Variants in PCDHGA4 observed in about 807,000 individuals in gnomAD.
PCDHGA4 encodes the protein protocadherin gamma subfamily A, 4.
Under a neutral mutation model 54.6 loss-of-function variants are expected in PCDHGA4, and 38 were observed. The ratio of observed to expected loss-of-function variants is 0.70; its 90% CI spans 0.54 to 0.91. The LOEUF (loss-of-function observed/expected upper bound fraction) is 0.91, where lower values mean the gene tolerates loss of function less well. Among genes scored for constraint, PCDHGA4 ranks in the 40% least tolerant of loss-of-function variants. The pLI is 0.00. For synonymous variants in PCDHGA4, 511 were observed against 512.9 expected (o/e 1.00, Z 0.05); for missense variants, 1,298 against 1,220.9 (o/e 1.06, Z -0.94).
intron 1 of PCDHGA4, among the ~76,000 whole-genome samples, chr5:141,470,877 T>C (rs1438812002): frequency 1.3e-5 from 2 of 151,808 alleles, no homozygotes; most frequent in Non-Finnish European, 2.9e-5. Context: ...TTTGTTTTTT[T>C]GTTTTTGTTT....
chr5:141,488,793 C>G (rs1274193018), intron 1 of PCDHGA4, among the ~76,000 whole-genome samples: 1 of 152,172 alleles, frequency 6.6e-6, no homozygotes, highest in African/African-American at 2.4e-5. Context: ...TTTGTCTTCC[C>G]TGTTGAGTAC....
rs943867570 is a variant in PCDHGA4 at position 141,493,651 on chromosome 5, T to C, written c.2515-1156T>C. On this transcript the variant is annotated intron_variant, in intron 1 of 3. Coordinates refer to ENST00000571252, the MANE Select transcript of PCDHGA4 (RefSeq NM_018917.4). The surrounding 1 kb of genome is among the most constrained non-coding windows in gnomAD (Gnocchi z 4.3). ...AGTGGCTGAGGGCTGGCCATCCCTGTGCCCTTCTCCATGGCAGCCCCAGAA... is the reference window on the plus strand; with the variant it reads ...AGTGGCTGAGGGCTGGCCATCCCTGCGCCCTTCTCCATGGCAGCCCCAGAA... Among the ~76,000 whole-genome samples, 1 of 152,204 alleles carries C rather than the reference T, an allele frequency of 6.6e-6. No individual in the cohort carries two copies. The highest frequency in any genetic ancestry group is 1.5e-5 in the Non-Finnish European group (1 of 68,030).
chr5:141,498,093 G>T (rs975304630), intron 2 of PCDHGA4, among the ~76,000 whole-genome samples: 4 of 152,220 alleles, frequency 2.6e-5, no homozygotes, highest in Admixed American at 1.3e-4. Context: ...AATTGTATCT[G>T]GTGGTGTGGG....
intron 1 of PCDHGA4, chr5:141,414,158 G>A (rs1167529832): frequency 6.2e-7 from 1 of 1,602,572 alleles, no homozygotes; most frequent in Non-Finnish European, 8.5e-7. Flanking sequence ...GCAGAAGATG[G>A]AGGAGCATAT....
rs756627468 is a variant in PCDHGA4, at chr5:141,370,720, T to A, written c.2514+13099T>A. On this transcript the variant is annotated intron_variant, in intron 1 of 3. Transcript: ENST00000571252. Reference sequence around the variant, plus strand: ...ACGTGTGTTCTGGAATTTGAAATGGTTGCTGAAAAGCCTTTAAACTTTTTT... The same window carrying A: ...ACGTGTGTTCTGGAATTTGAAATGGATGCTGAAAAGCCTTTAAACTTTTTT... 4.3e-6 allele frequency: 7 copies of A among 1,613,868 alleles called. No homozygotes were observed. The South Asian group carries it at 7.7e-5, about 18-fold the overall frequency.
At chr5:141,421,449 G>A (rs2096574013) in intron 1 of PCDHGA4, 2 of 1,614,010 alleles carry the variant, frequency 1.2e-6, no homozygotes, top group African/African-American at 1.3e-5. Flanking sequence ...GGAAGACACA[G>A]CTTTTCGCTG....
chr5:141,425,795 T>A (rs2096894407), intron 1 of PCDHGA4, among the ~76,000 whole-genome samples: 1 of 152,244 alleles, frequency 6.6e-6, no homozygotes, highest in Non-Finnish European at 1.5e-5. Flanking sequence ...TTCCAATATG[T>A]GCATTGCTTC....
At chr5:141,403,094 A>G in intron 1 of PCDHGA4, 1 of 1,614,064 alleles carries the variant, frequency 6.2e-7, no homozygotes, top group Non-Finnish European at 8.5e-7. Flanking sequence ...TGTGGGCAAC[A>G]TCTCCAAGGA....
Position 141,384,048 on chromosome 5 carries a change from C to A in PCDHGA4, c.2514+26427C>A, listed in dbSNP as rs111794989. 4,325 of 1,611,882 alleles carry A rather than the reference C, an allele frequency of 2.7e-3. 15 individuals carry two copies. Among genetic ancestry groups the A allele is most frequent in the Admixed American group, 9.3e-3 (555 of 59,694 alleles). ...ATTCTGGAAAGAATGGTGAGGTGACCTGCACCATTCCAGAAAACCTACCTT... is the reference window on the plus strand; with the variant it reads ...ATTCTGGAAAGAATGGTGAGGTGACATGCACCATTCCAGAAAACCTACCTT... On this transcript the variant is annotated intron_variant, in intron 1 of 3. Transcript: ENST00000571252.
At chr5:141,478,051 G>A (rs751371411) in intron 1 of PCDHGA4, 2 of 1,614,088 alleles carry the variant, frequency 1.2e-6, no homozygotes, top group East Asian at 2.2e-5. Context: ...AGACTCTCAC[G>A]GTCTTGATCA....
At chr5:141,370,759 T>C in intron 1 of PCDHGA4, 3 of 1,614,022 alleles carry the variant, frequency 1.9e-6, no homozygotes, top group Non-Finnish European at 1.7e-6. Flanking sequence ...GTAACTGTGC[T>C]GATCCAGGAT....
At chr5:141,366,466 G>A in intron 1 of PCDHGA4, 1 of 1,614,228 alleles carries the variant, frequency 6.2e-7, no homozygotes, top group Non-Finnish European at 8.5e-7. Context: ...TCGTGCTGCT[G>A]GTGCTCAGAC....
At chr5:141,402,682 T>A (rs1012328239) in intron 1 of PCDHGA4, among the ~76,000 whole-genome samples, 1 of 152,138 alleles carries the variant, frequency 6.6e-6, no homozygotes, top group East Asian at 1.9e-4. Context: ...CCATCTGATA[T>A]AATGTTACAC....
chr5:141,458,366 GGAGAA>G (rs1437271099), intron 1 of PCDHGA4, among the ~76,000 whole-genome samples: 1 of 152,090 alleles, frequency 6.6e-6, no homozygotes, highest in African/African-American at 2.4e-5. Flanking sequence ...AAGAAGGAAG[GGAGAA>G]GAGAGAAGGA....
At chr5:141,362,544 T>C (rs774611354) in intron 1 of PCDHGA4, 7 of 1,613,662 alleles carry the variant, frequency 4.3e-6, no homozygotes, top group East Asian at 2.2e-5. Context: ...TTGCCTCAGA[T>C]ACTATTTTGA....
chr5:141,492,460 G>T (rs2099740851), intron 1 of PCDHGA4, among the ~76,000 whole-genome samples: 1 of 152,218 alleles, frequency 6.6e-6, no homozygotes, highest in African/African-American at 2.4e-5. Flanking sequence ...GCGCGCCTGA[G>T]GGTCCCAGAT....
At chr5:141,375,021 G>C (rs780712160) in intron 1 of PCDHGA4, 3 of 1,614,036 alleles carry the variant, frequency 1.9e-6, no homozygotes, top group Non-Finnish European at 2.5e-6. Context: ...GAGGACTCGA[G>C]TTTTTATGAG....
Position 141,476,525 on chromosome 5 carries a change from A to T in PCDHGA4, c.2515-18282A>T, listed in dbSNP as rs766638463. On this transcript the variant is annotated intron_variant, in intron 1 of 3. Coordinates refer to ENST00000571252, the MANE Select transcript of PCDHGA4 (RefSeq NM_018917.4). This position sits in a 1 kb window ranked among gnomAD's most constrained non-coding sequence, Gnocchi z 7.6. ...CAACGACAACAATCCTGCTTTCCCTACCCAGGAAATGAAATTGGAGATTAG... is the reference window on the plus strand; with the variant it reads ...CAACGACAACAATCCTGCTTTCCCTTCCCAGGAAATGAAATTGGAGATTAG... The T allele has an allele frequency of 6.2e-7, 1 of 1,614,068 alleles. No homozygotes were observed. The highest frequency in any genetic ancestry group is 2.2e-5 in the East Asian group (1 of 44,854).
chr5:141,375,192 A>G, intron 1 of PCDHGA4: 3 of 1,613,952 alleles, frequency 1.9e-6, no homozygotes, highest in South Asian at 2.2e-5. Context: ...GCCCTTTTTC[A>G]AGTGTTCGAT....
Sources: gnomAD v4.1 joint callset for allele counts (sites outside exome capture counted in the v4.1 genomes callset) on GRCh38, gnomAD v4.1.1 for gene constraint, Gnocchi (gnomAD v3.1) non-coding constraint, MANE v1.5 for transcripts, NCBI Gene and HGNC (gene_info 2026-07-23, HGNC 2026-07-21) for gene names.